The following RORA variants were observed in gnomAD, a reference collection of about 807,000 sequenced individuals.
The protein encoded by RORA is RAR related orphan receptor A.
RORA carries 7 observed loss-of-function variants against 69.5 expected under a neutral mutation model. The observed-to-expected ratio is 0.10, with a 90% confidence interval of 0.06 to 0.19. RORA has a LOEUF of 0.19. RORA is among the 10% of genes least tolerant of loss of function. The pLI, the probability that RORA is intolerant of heterozygous loss-of-function variation, is 1.00. For synonymous variants in RORA, 261 were observed against 240.8 expected (o/e 1.08, Z -0.78); for missense variants, 457 against 663.0 (o/e 0.69, Z 3.41).
intron 1 of RORA, among the ~76,000 whole-genome samples, chr15:61,024,604 C>T (rs1015034101): frequency 2.8e-4 from 43 of 152,136 alleles, no homozygotes; most frequent in Admixed American, 5.9e-4. Context: ...GCATGCACCA[C>T]CACGCCCAGC....
chr15:60,936,173 C>T (rs936402076), intron 1 of RORA, among the ~76,000 whole-genome samples: 1 of 152,148 alleles, frequency 6.6e-6, no homozygotes, highest in Admixed American at 6.5e-5. Flanking sequence ...ATCTGATGGC[C>T]CAGAGGTATC....
intron 1 of RORA, among the ~76,000 whole-genome samples, chr15:61,024,655 T>C (rs1406887744): frequency 6.6e-6 from 1 of 152,084 alleles, no homozygotes; most frequent in Non-Finnish European, 1.5e-5. Context: ...TTCACCGTGT[T>C]GGTCAGGCTG....
At chr15:60,937,140 G>A (rs966954000) in intron 1 of RORA, among the ~76,000 whole-genome samples, 2 of 152,140 alleles carry the variant, frequency 1.3e-5, no homozygotes, top group Non-Finnish European at 2.9e-5. Flanking sequence ...GGAAACCGAG[G>A]CATACAGCTG....
At chr15:60,918,214 A>G (rs1891937284) in intron 1 of RORA, among the ~76,000 whole-genome samples, 1 of 152,234 alleles carries the variant, frequency 6.6e-6, no homozygotes, top group Non-Finnish European at 1.5e-5. Flanking sequence ...CTAACTTAAC[A>G]GAGCCTCACT....
chr15:61,210,126 C>T (rs1246858925), intron 1 of RORA, among the ~76,000 whole-genome samples: 2 of 152,104 alleles, frequency 1.3e-5, no homozygotes, highest in African/African-American at 2.4e-5. Flanking sequence ...GCAGGTGTCT[C>T]CTCTAGAAAC....
intron 1 of RORA, among the ~76,000 whole-genome samples, chr15:61,052,842 T>C (rs889794712): frequency 4.6e-5 from 7 of 152,124 alleles, no homozygotes; most frequent in South Asian, 2.1e-4. Context: ...CCACGTACAG[T>C]TGGCTTGGAT....
intron 2 of RORA, among the ~76,000 whole-genome samples, chr15:60,618,248 T>A (rs2069308214): frequency 6.6e-6 from 1 of 152,174 alleles, no homozygotes; most frequent in Non-Finnish European, 1.5e-5. Context: ...GATGGAGTAA[T>A]GCTTGGGTAC....
rs2079190992 is a variant in RORA, at chr15:61,131,592, G to A, written c.166+97461C>T. 6.6e-6 allele frequency among the ~76,000 whole-genome samples: 1 copy of A among 152,176 alleles called. No homozygotes were observed. Among genetic ancestry groups the A allele is most frequent in the South Asian group, 2.1e-4 (1 of 4,826 alleles). ...TTACTCATGCTATAGAAGTAATAAT[G>A]TTATTAATAGAACATGTGCTACACT... On this transcript the variant is annotated intron_variant, in intron 1 of 10. Transcript: ENST00000335670. This position sits in a 1 kb window ranked among gnomAD's most constrained non-coding sequence, Gnocchi z 4.2.
intron 2 of RORA, chr15:60,614,804 T>G: frequency 8.5e-5 from 84 of 988,370 alleles, no homozygotes; most frequent in Non-Finnish European, 1.1e-4. Flanking sequence ...AAGGTTTAAA[T>G]GAGATTATAC....
intron 1 of RORA, among the ~76,000 whole-genome samples, chr15:61,006,818 T>C (rs1293231444): frequency 3.9e-5 from 6 of 152,282 alleles, no homozygotes; most frequent in East Asian, 1.9e-4. Context: ...CTTTGAATTA[T>C]TGTCCTTGGT....
chr15:60,715,932 A>T (rs544566353), intron 1 of RORA, among the ~76,000 whole-genome samples: 1 of 152,214 alleles, frequency 6.6e-6, no homozygotes, highest in African/African-American at 2.4e-5. Flanking sequence ...CTCTCAACCT[A>T]ATGTAGGAGA....
At chr15:60,515,961 ATTTATATATATT>A (rs2065870286) in intron 3 of RORA, among the ~76,000 whole-genome samples, 1 of 27,380 alleles carries the variant, frequency 3.7e-5, no homozygotes, top group African/African-American at 1.6e-4. Context: ...ATATATTTAT[ATTTATATATATT>A]TATATATTTA....
intron 1 of RORA, among the ~76,000 whole-genome samples, chr15:60,793,271 G>A (rs181241627): frequency 1.0e-3 from 158 of 152,278 alleles, no homozygotes; most frequent in African/African-American, 3.7e-3. Context: ...CAGTAACTAA[G>A]TCTTAGTCTT....
chr15:60,934,015 A>G (rs1277703327), intron 1 of RORA, among the ~76,000 whole-genome samples: 1 of 152,186 alleles, frequency 6.6e-6, no homozygotes, highest in Non-Finnish European at 1.5e-5. Context: ...GTAAAGAAAC[A>G]CCTACTTAGC....
intron 1 of RORA, among the ~76,000 whole-genome samples, chr15:61,219,444 T>G (rs900984939): frequency 2.0e-5 from 3 of 152,116 alleles, no homozygotes; most frequent in African/African-American, 4.8e-5. Context: ...GCGCGGTGGC[T>G]GGCGCCTATT....
At chr15:60,940,634 G>C (rs1892665434) in intron 1 of RORA, among the ~76,000 whole-genome samples, 1 of 152,132 alleles carries the variant, frequency 6.6e-6, no homozygotes, top group Non-Finnish European at 1.5e-5. Flanking sequence ...CTTATAACTG[G>C]ATTACATTGT....
chr15:61,160,721 T>G (rs2079487535), intron 1 of RORA, among the ~76,000 whole-genome samples: 1 of 152,138 alleles, frequency 6.6e-6, no homozygotes, highest in Admixed American at 6.5e-5. Context: ...AGAGCTATCA[T>G]AATTGATCAC....
intron 1 of RORA, among the ~76,000 whole-genome samples, chr15:60,720,612 A>G (rs755026567): frequency 2.0e-5 from 3 of 152,124 alleles, no homozygotes; most frequent in Non-Finnish European, 4.4e-5. Context: ...ACTTAGGGAC[A>G]CCTGTGTGCA....
intron 1 of RORA, among the ~76,000 whole-genome samples, chr15:61,050,504 T>C (rs188256043): frequency 2.0e-5 from 3 of 152,356 alleles, no homozygotes; most frequent in Non-Finnish European, 2.9e-5. Context: ...TAATTCTATA[T>C]GGTCTCTGTC....
Sources: gnomAD v4.1 joint callset for allele counts (sites outside exome capture counted in the v4.1 genomes callset) on GRCh38, gnomAD v4.1.1 for gene constraint, Gnocchi (gnomAD v3.1) non-coding constraint, MANE v1.5 for transcripts, NCBI Gene and HGNC (gene_info 2026-07-23, HGNC 2026-07-21) for gene names.